The following S100A16 variants were observed in gnomAD, a reference collection of about 807,000 sequenced individuals.
S100A16 encodes protein S100-A16.
A neutral mutation model predicts 9.0 loss-of-function variants in S100A16; 8 were observed. That is an observed-to-expected ratio of 0.89 (90% confidence interval 0.52 to 1.60). The LOEUF is 1.60. Ranked by LOEUF, S100A16 falls within the 40% of genes most tolerant of loss-of-function variation. The pLI is 0.00. For synonymous variants in S100A16, 51 were observed against 51.4 expected, an observed-to-expected ratio of 0.99 and a Z score of 0.04; for missense variants, 138 against 132.4, an observed-to-expected ratio of 1.04 and a Z score of -0.21.
rs753774747 is a variant in S100A16, at chr1:153,607,999, C to T, written c.153G>A (p.Ser51=). ...MLQKELNHML[S]DTGNRKAADK... ...AAGGCCCTTGGGTGAGAGGCCTTAC[C>T]GACAGCATGTGGTTCAGCTCTTTCT... The change falls in exon 2 of 3, where the codon TCG becomes TCA. Residue 51 remains serine, a splice_region_variant and synonymous_variant. Coordinates refer to ENST00000368706, the MANE Select transcript of S100A16 (RefSeq NM_080388.3). 35 of 1,613,630 alleles carry T rather than the reference C, an allele frequency of 2.2e-5. No homozygotes were observed. In the East Asian group the frequency reaches 6.0e-4, roughly 28 times the overall value.
At chr1:153,607,856 G>A (rs1666731397) in intron 2 of S100A16, 143 bp downstream of exon 2, 9 of 1,180,570 alleles carry the variant, frequency 7.6e-6, no homozygotes, top group Non-Finnish European at 1.1e-5. Context: ...GAAGACAGAG[G>A]CCTGGGGGTG....
chr1:153,609,126 T>C (rs1457047860), intron 1 of S100A16: 2 of 984,466 alleles, frequency 2.0e-6, no homozygotes, highest in East Asian at 1.1e-4. Context: ...CCCAGGCAAA[T>C]CAGACTCCCT....
At chr1:153,608,754 G>A (rs1291279661) in intron 1 of S100A16, 1 of 246,094 alleles carries the variant, frequency 4.1e-6, no homozygotes, top group African/African-American at 2.3e-5. Flanking sequence ...CCCCTTATGG[G>A]AAAGGACAAG....
intron 1 of S100A16, among the ~76,000 whole-genome samples, chr1:153,611,942 C>CAT (rs1413912487): frequency 6.6e-6 from 1 of 151,738 alleles, no homozygotes; most frequent in African/African-American, 2.4e-5. Context: ...CACACACACA[C>CAT]ACACACACAC....
At chr1:153,612,649 G>GCTTCCAAATA (rs1571270929) in intron 1 of S100A16, among the ~76,000 whole-genome samples, 1 of 152,048 alleles carries the variant, frequency 6.6e-6, no homozygotes, top group East Asian at 1.9e-4. Context: ...GGATCGAGTA[G>GCTTCCAAATA]CTGTGGTCAA....
chr1:153,607,759 A>C, intron 2 of S100A16, 67 bp from the exon 3 acceptor site: 1 of 1,584,274 alleles, frequency 6.3e-7, no homozygotes, highest in Non-Finnish European at 8.7e-7. Context: ...GCAGGACCCT[A>C]GGCAGAGACC....
intron 1 of S100A16, chr1:153,609,097 A>C (rs1666775588): frequency 2.0e-6 from 2 of 985,574 alleles, no homozygotes; most frequent in African/African-American, 1.7e-5. Context: ...GCCCATGCCC[A>C]AAACCCCCCC....
chr1:153,612,461 G>A (rs548429206), intron 1 of S100A16, among the ~76,000 whole-genome samples: 2 of 151,986 alleles, frequency 1.3e-5, no homozygotes, highest in Non-Finnish European at 1.5e-5. Flanking sequence ...TAGAGGGGAC[G>A]CCACCTCAGC....
intron 1 of S100A16, among the ~76,000 whole-genome samples, chr1:153,610,284 TC>T (rs1275656373): frequency 6.6e-6 from 1 of 151,942 alleles, no homozygotes; most frequent in African/African-American, 2.4e-5. Flanking sequence ...TCAGAGAAAC[TC>T]CCCACACTTA....
chr1:153,611,851 G>A (rs1324563052), intron 1 of S100A16, among the ~76,000 whole-genome samples: 6 of 90,244 alleles, frequency 6.6e-5, no homozygotes, highest in East Asian at 5.5e-4. Context: ...AGTGGGGCCT[G>A]CTTGGCCCTG....
intron 1 of S100A16, chr1:153,609,015 A>G: frequency 1.0e-6 from 1 of 985,718 alleles, no homozygotes; most frequent in Non-Finnish European, 1.2e-6. Flanking sequence ...GACACTTTCT[A>G]AGCGGATACA....
At chr1:153,611,917 T>TCACACACACACACACACACACA (rs55729519) in intron 1 of S100A16, among the ~76,000 whole-genome samples, 70 of 140,898 alleles carry the variant, frequency 5.0e-4, no homozygotes, top group Middle Eastern at 3.4e-3. Flanking sequence ...TGTCTCTCTC[T>TCACACACACACACACACACACA]CACACACACA....
chr1:153,608,819 C>T, intron 1 of S100A16: 1 of 650,570 alleles, frequency 1.5e-6, no homozygotes, highest in Non-Finnish European at 1.9e-6. Flanking sequence ...CCCCGCCACA[C>T]CCTGCTAGCC....
rs1666716501 is a variant in S100A16, at chr1:153,607,432, A to G, written c.*102T>C. 3 of 1,374,126 alleles carry G rather than the reference A, an allele frequency of 2.2e-6. No homozygotes were observed. The South Asian group carries it at 3.7e-5, about 17-fold the overall frequency. 85.1% of individuals were successfully genotyped at this position (1,374,126 alleles called of 1,614,324 possible). On this transcript the variant is annotated 3_prime_UTR_variant, in exon 3 of 3. Transcript: ENST00000368706. Reference sequence around the variant, plus strand: ...AGAGGAAGGTCTGGAGGGAGAAGAGAGTAAAGGGCCCTGGGTGGGCAGGAG... The same window carrying G: ...AGAGGAAGGTCTGGAGGGAGAAGAGGGTAAAGGGCCCTGGGTGGGCAGGAG...
At chr1:153,607,937 C>A (rs1366823383) in intron 2 of S100A16, 62 bp downstream of exon 2, 7 of 1,550,632 alleles carry the variant, frequency 4.5e-6, no homozygotes, top group African/African-American at 4.1e-5. Context: ...CCCTCAGAGG[C>A]CAGAGGCTTG....
At chr1:153,612,449 G>A (rs1192924525) in intron 1 of S100A16, among the ~76,000 whole-genome samples, 2 of 152,124 alleles carry the variant, frequency 1.3e-5, no homozygotes, top group East Asian at 1.9e-4. Flanking sequence ...TGGGTCGTGA[G>A]GTAGAGGGGA....
At position 153,607,851 on chromosome 1, in the gene S100A16, C is replaced by T. The variant is rs940690280; in HGVS notation, c.153+148G>A. 56 of 1,198,330 alleles carry T rather than the reference C, an allele frequency of 4.7e-5. 1 individual carries two copies. The African/African-American group carries it at 7.4e-4, about 16-fold the overall frequency. The allele number at this position is 1,198,330 out of a possible 1,614,324, so 74.2% of individuals were successfully genotyped here. On this transcript the variant is annotated intron_variant, in intron 2 of 2. Coordinates refer to ENST00000368706, the MANE Select transcript of S100A16 (RefSeq NM_080388.3). ...GCTAGGCCTAAGCATCCTGAGAAGA[C>T]AGAGGCCTGGGGGTGTAGAAGACCC...
intron 1 of S100A16, chr1:153,608,405 G>T: frequency 2.0e-6 from 1 of 498,266 alleles, no homozygotes; most frequent in South Asian, 2.5e-5. Context: ...GCCTCAACAG[G>T]TTCTCCAGGC....
In S100A16 at chr1:153,607,612, C is replaced by T. The variant is rs770959724; in HGVS notation, c.234G>A (p.Glu78=). The T allele has an allele frequency of 2.5e-6, 4 of 1,614,188 alleles. No homozygotes were observed. The highest frequency in any genetic ancestry group is 3.4e-6 in the Non-Finnish European group (4 of 1,180,010). ...TGATGCCGCCTATCAAGGTCCAGTA[C>T]TCATCGAAGCTGATGCGCCCATCAT... is the stretch of plus-strand genomic sequence containing the variant. ...ANHDGRISFD[E]YWTLIGGITG... Residue 78 remains glutamate, a synonymous_variant, in exon 3 of 3, where the codon GAG becomes GAA. Coordinates refer to ENST00000368706, the MANE Select transcript of S100A16 (RefSeq NM_080388.3).
Sources: gnomAD v4.1 joint callset for allele counts (sites outside exome capture counted in the v4.1 genomes callset) on GRCh38, gnomAD v4.1.1 for gene constraint, MANE v1.5 for transcripts, NCBI Gene and HGNC (gene_info 2026-07-23, HGNC 2026-07-21) for gene names.